EFL1: variants seen among roughly 807,000 people sequenced by gnomAD.
The protein encoded by EFL1 is elongation factor like GTPase 1.
EFL1 carries 76 observed loss-of-function variants against 126.7 expected under a neutral mutation model. That is an observed-to-expected ratio of 0.60 (90% CI 0.50 to 0.73). The LOEUF is 0.73. EFL1 is among the 30% of genes least tolerant of loss of function. EFL1 has a pLI of 0.00. For missense variants in EFL1, 1,128 were observed against 1,343.2 expected (o/e 0.84, Z 2.50); for synonymous variants, 410 against 448.4 (o/e 0.91, Z 1.08).
intron 15 of EFL1, among the ~76,000 whole-genome samples, chr15:82,203,346 C>T (rs991740534): frequency 5.3e-5 from 8 of 152,168 alleles, no homozygotes; most frequent in African/African-American, 1.9e-4. Context: ...TGTTCTTAAA[C>T]AATATATGGC....
At chr15:82,147,607 A>C (rs901229472) in intron 18 of EFL1, among the ~76,000 whole-genome samples, 6 of 141,912 alleles carry the variant, frequency 4.2e-5, no homozygotes, top group African/African-American at 1.6e-4. Context: ...GTGCCACTGC[A>C]GTCCAGCTGG....
chr15:82,157,967 AAAC>A, intron 16 of EFL1, 107 bp from the exon 17 acceptor site: 1 of 1,223,820 alleles, frequency 8.2e-7, no homozygotes, highest in Non-Finnish European at 1.1e-6. Context: ...TAAACTCTTA[AAAC>A]AACAATTTAT....
chr15:82,164,040 G>C, intron 15 of EFL1, 56 bp from the exon 16 acceptor site: 4 of 1,591,916 alleles, frequency 2.5e-6, no homozygotes. Context: ...CTGAATTTAT[G>C]TCAGAAAAAC....
At chr15:82,159,734 C>G (rs569552579) in intron 16 of EFL1, among the ~76,000 whole-genome samples, 4 of 152,238 alleles carry the variant, frequency 2.6e-5, no homozygotes, top group South Asian at 2.1e-4. Context: ...ATCAGGAAAA[C>G]TAGATGTTCA....
At chr15:82,144,865 C>A (rs929570133) in intron 18 of EFL1, among the ~76,000 whole-genome samples, 2 of 151,622 alleles carry the variant, frequency 1.3e-5, no homozygotes, top group Non-Finnish European at 2.9e-5. Context: ...TGGTGGTGCG[C>A]ACCTGTAGTC....
At chr15:82,196,267 G>T (rs748623250) in intron 15 of EFL1, among the ~76,000 whole-genome samples, 4 of 152,082 alleles carry the variant, frequency 2.6e-5, no homozygotes, top group East Asian at 1.9e-4. Context: ...CTTACAAAGG[G>T]AAAGACCCGG....
At chr15:82,133,654 A>T (rs1429303374) in intron 19 of EFL1, among the ~76,000 whole-genome samples, 4 of 152,236 alleles carry the variant, frequency 2.6e-5, no homozygotes, top group Admixed American at 2.0e-4. Context: ...AAACTATTGT[A>T]ATTTTTTTAA....
chr15:82,140,232 C>G (rs954355314), intron 18 of EFL1, among the ~76,000 whole-genome samples: 20 of 152,212 alleles, frequency 1.3e-4, no homozygotes, highest in African/African-American at 4.6e-4. Flanking sequence ...CTCATTTCTT[C>G]ACTATGTGCT....
At chr15:82,222,106 A>C (rs2074718155) in intron 12 of EFL1, among the ~76,000 whole-genome samples, 1 of 152,222 alleles carries the variant, frequency 6.6e-6, no homozygotes. Flanking sequence ...AAAATACCAG[A>C]GGTACCTGCT....
chr15:82,212,242 G>C (rs1463695976), intron 15 of EFL1, among the ~76,000 whole-genome samples: 5 of 152,124 alleles, frequency 3.3e-5, no homozygotes, highest in Admixed American at 2.0e-4. Context: ...TTAAAGTTTA[G>C]GATTATGACA....
At chr15:82,181,700 C>T (rs965855015) in intron 15 of EFL1, among the ~76,000 whole-genome samples, 1 of 151,890 alleles carries the variant, frequency 6.6e-6, no homozygotes, top group Admixed American at 6.6e-5. Context: ...ATAACAAGTT[C>T]TCTGGTAGGC....
Position 82,145,870 on chromosome 15 carries a change from A to C in EFL1, c.2989+5595T>G, listed in dbSNP as rs180990948. On this transcript the variant is annotated intron_variant, in intron 18 of 19. Coordinates refer to ENST00000268206, the MANE Select transcript of EFL1 (RefSeq NM_024580.6). ...AAAAAAAAAAAAAATACCCCAAAAA[A>C]CTCTTAACTAGTACTGTCTAACAAA... is the stretch of plus-strand genomic sequence containing the variant. 9.9e-5 allele frequency among the ~76,000 whole-genome samples: 15 copies of C among 151,588 alleles called. No individual in the cohort carries two copies. In the East Asian group the frequency reaches 2.5e-3, roughly 25 times the overall value.
intron 15 of EFL1, among the ~76,000 whole-genome samples, chr15:82,192,038 A>T (rs1219022744): frequency 1.3e-5 from 2 of 152,322 alleles, no homozygotes; most frequent in Admixed American, 1.3e-4. Flanking sequence ...ATTGTTAAAG[A>T]TAACACCTAG....
At chr15:82,162,913 G>A (rs916860869) in intron 16 of EFL1, among the ~76,000 whole-genome samples, 2 of 152,208 alleles carry the variant, frequency 1.3e-5, no homozygotes, top group African/African-American at 4.8e-5. Flanking sequence ...TTTCCCTAAG[G>A]CATGGTCTGG....
intron 11 of EFL1, among the ~76,000 whole-genome samples, chr15:82,225,619 A>G (rs2074755215): frequency 6.6e-6 from 1 of 152,270 alleles, no homozygotes; most frequent in African/African-American, 2.4e-5. Context: ...AGAATTGAGG[A>G]ATGTTACCAA....
intron 15 of EFL1, among the ~76,000 whole-genome samples, chr15:82,164,896 C>CAAAAA (rs1240782656): frequency 4.4e-5 from 4 of 91,612 alleles, no homozygotes; most frequent in South Asian, 6.3e-4. Context: ...GATTCCACCT[C>CAAAAA]AAAAAAAAAA....
At chr15:82,181,476 T>C (rs2074250454) in intron 15 of EFL1, among the ~76,000 whole-genome samples, 1 of 152,174 alleles carries the variant, frequency 6.6e-6, no homozygotes, top group Non-Finnish European at 1.5e-5. Flanking sequence ...GGAAGGAGCT[T>C]GACAGTTTAC....
chr15:82,197,514 T>C (rs1371175375), intron 15 of EFL1, among the ~76,000 whole-genome samples: 1 of 152,226 alleles, frequency 6.6e-6, no homozygotes, highest in African/African-American at 2.4e-5. Flanking sequence ...GTGCTTCTAA[T>C]TGCATGGGGG....
chr15:82,195,129 T>A (rs1443619380), intron 15 of EFL1, among the ~76,000 whole-genome samples: 2 of 152,198 alleles, frequency 1.3e-5, no homozygotes, highest in African/African-American at 2.4e-5. Context: ...TTTAATGAAC[T>A]TGGTTTCGGT....
Sources: allele counts gnomAD v4.1 joint callset (sites outside exome capture counted in the v4.1 genomes callset), GRCh38; gene constraint gnomAD v4.1.1; transcripts MANE v1.5; gene names NCBI Gene and HGNC (gene_info 2026-07-23, HGNC 2026-07-21).